The following RNF180 variants were observed in gnomAD, a reference collection of about 807,000 sequenced individuals.
RNF180 encodes ring finger protein 180.
In RNF180, 38 loss-of-function variants were observed where a neutral mutation model predicts 59.2. The observed-to-expected ratio is 0.64, with a 90% CI of 0.50 to 0.84. The LOEUF (loss-of-function observed/expected upper bound fraction) is 0.84. RNF180 is among the 40% of genes least tolerant of loss of function. RNF180 has a pLI of 0.00. For missense variants in RNF180, 705 were observed against 700.9 expected (o/e 1.01, Z -0.07); for synonymous variants, 262 against 240.3 (o/e 1.09, Z -0.84).
intron 5 of RNF180, among the ~76,000 whole-genome samples, chr5:64,260,261 T>C (rs969668613): frequency 6.6e-6 from 1 of 152,194 alleles, no homozygotes; most frequent in Non-Finnish European, 1.5e-5. Flanking sequence ...GTGATTTACA[T>C]CATCATTTTC....
intron 7 of RNF180, among the ~76,000 whole-genome samples, chr5:64,347,892 C>T (rs1207875737): frequency 2.6e-5 from 4 of 152,002 alleles, no homozygotes; most frequent in African/African-American, 9.7e-5. Flanking sequence ...TTTTTGTTGG[C>T]AAAATCTTAC....
At chr5:64,234,135 A>G (rs1457779414) in intron 5 of RNF180, among the ~76,000 whole-genome samples, 4 of 152,216 alleles carry the variant, frequency 2.6e-5, no homozygotes, top group Non-Finnish European at 5.9e-5. Context: ...ACAGAAACTA[A>G]GAAATAAATC....
At chr5:64,354,087 C>A in intron 7 of RNF180, among the ~76,000 whole-genome samples, 1 of 150,660 alleles carries the variant, frequency 6.6e-6, no homozygotes, top group Non-Finnish European at 1.5e-5. Flanking sequence ...ACTCTAAACC[C>A]CAAGCTAGCA....
intron 4 of RNF180, 49 bp from the exon 5 acceptor site, chr5:64,217,312 G>C: frequency 7.4e-7 from 1 of 1,347,668 alleles, no homozygotes; most frequent in African/African-American, 1.5e-5. Flanking sequence ...AACTTTTACA[G>C]ACATTCATGT....
intron 6 of RNF180, among the ~76,000 whole-genome samples, chr5:64,328,841 A>G (rs1020558757): frequency 6.6e-6 from 1 of 152,194 alleles, no homozygotes; most frequent in East Asian, 1.9e-4. Context: ...AAACTGAGGA[A>G]ATGCTACAGG....
intron 5 of RNF180, among the ~76,000 whole-genome samples, chr5:64,247,889 T>A (rs577003209): frequency 2.6e-5 from 4 of 152,284 alleles, no homozygotes; most frequent in Admixed American, 6.5e-5. Flanking sequence ...CAAAACAGCA[T>A]GGTACTCGTA....
chr5:64,368,788 G>A (rs893311245), intron 7 of RNF180, among the ~76,000 whole-genome samples: 26 of 151,598 alleles, frequency 1.7e-4, no homozygotes, highest in Non-Finnish European at 2.8e-4. Flanking sequence ...TAGAATGGCA[G>A]TCATTAAAAA....
chr5:64,167,386 A>G (rs974561723), intron 1 of RNF180, among the ~76,000 whole-genome samples: 1 of 152,218 alleles, frequency 6.6e-6, no homozygotes, highest in East Asian at 1.9e-4. Flanking sequence ...AGTTTTGTCA[A>G]TGGTATTTTA....
chr5:64,362,430 A>G (rs893385266), intron 7 of RNF180, among the ~76,000 whole-genome samples: 1 of 151,744 alleles, frequency 6.6e-6, no homozygotes, highest in Admixed American at 6.6e-5. Flanking sequence ...ATTCTTTTTT[A>G]TGGCTGCATA....
chr5:64,363,268 A>T (rs1746324957), intron 7 of RNF180, among the ~76,000 whole-genome samples: 1 of 151,484 alleles, frequency 6.6e-6, no homozygotes, highest in African/African-American at 2.4e-5. Flanking sequence ...ATTGATTTTT[A>T]TATATGGTGT....
At chr5:64,238,739 T>C (rs1742600973) in intron 5 of RNF180, among the ~76,000 whole-genome samples, 1 of 152,244 alleles carries the variant, frequency 6.6e-6, no homozygotes, top group East Asian at 1.9e-4. Flanking sequence ...ATTAACCCCT[T>C]ATCAGAGATA....
intron 5 of RNF180, among the ~76,000 whole-genome samples, chr5:64,273,203 TTACTC>T (rs1741516797): frequency 6.6e-6 from 1 of 151,880 alleles, no homozygotes; most frequent in Non-Finnish European, 1.5e-5. Flanking sequence ...TGTCAGGAAG[TTACTC>T]TATACGGTCT....
At chr5:64,273,729 G>A (rs1431048737) in intron 5 of RNF180, among the ~76,000 whole-genome samples, 1 of 151,980 alleles carries the variant, frequency 6.6e-6, no homozygotes, top group Non-Finnish European at 1.5e-5. Context: ...GGCTGTGACA[G>A]GAAGAAGAAA....
chr5:64,236,418 G>A (rs1742443802), intron 5 of RNF180, among the ~76,000 whole-genome samples: 1 of 152,186 alleles, frequency 6.6e-6, no homozygotes, highest in African/African-American at 2.4e-5. Flanking sequence ...TTCTGAAAGT[G>A]TTCAGTTATA....
chr5:64,314,332 G>C (rs12153409), intron 5 of RNF180, among the ~76,000 whole-genome samples: 13,018 of 151,644 alleles, frequency 0.086, 766 homozygotes, highest in Non-Finnish European at 0.13. Flanking sequence ...TATTTATTTG[G>C]GTCTCAGATA....
intron 2 of RNF180, among the ~76,000 whole-genome samples, chr5:64,209,310 A>G (rs532026785): frequency 7.2e-5 from 11 of 151,990 alleles, no homozygotes; most frequent in Admixed American, 2.0e-4. Flanking sequence ...AGCATTTCCA[A>G]AATTTATAGT....
chr5:64,207,073 A>G lies in RNF180; in HGVS notation c.136-4992A>G, dbSNP rs1005409171. On this transcript the variant is annotated intron_variant, in intron 2 of 7. Transcript: ENST00000389100. ...TTCAGGATTTATCATTTAATCTTCTATTAATATTATAACAATTATAAATGT... is the reference window on the plus strand; with the variant it reads ...TTCAGGATTTATCATTTAATCTTCTGTTAATATTATAACAATTATAAATGT... 2.0e-5 allele frequency among the ~76,000 whole-genome samples: 3 copies of G among 152,002 alleles called. 1 individual carries two copies. The highest frequency in any genetic ancestry group is 3.8e-4 in the East Asian group (2 of 5,196).
At chr5:64,313,729 A>G (rs1036273160) in intron 5 of RNF180, among the ~76,000 whole-genome samples, 1 of 152,140 alleles carries the variant, frequency 6.6e-6, no homozygotes, top group Non-Finnish European at 1.5e-5. Context: ...GAAGTCACCA[A>G]ACTGCTTTCC....
chr5:64,216,503 TTAA>T (rs1752637117), intron 4 of RNF180, among the ~76,000 whole-genome samples: 2 of 152,330 alleles, frequency 1.3e-5, no homozygotes, highest in South Asian at 4.1e-4. Flanking sequence ...GTTACTATTA[TTAA>T]TGATAGTTTT....
Sources: gnomAD v4.1 joint callset for allele counts (sites outside exome capture counted in the v4.1 genomes callset) on GRCh38, gnomAD v4.1.1 for gene constraint, MANE v1.5 for transcripts, NCBI Gene and HGNC (gene_info 2026-07-23, HGNC 2026-07-21) for gene names.